The following NCOR2 variants were observed in gnomAD, a reference collection of about 807,000 sequenced individuals.
NCOR2 encodes the protein nuclear receptor corepressor 2.
NCOR2 carries 81 observed loss-of-function variants against 262.9 expected under a neutral mutation model. That is an observed-to-expected ratio of 0.31 (90% CI 0.26 to 0.37). NCOR2 has a LOEUF of 0.37. NCOR2 is among the 10% of genes least tolerant of loss of function. The pLI is 1.00. For missense variants in NCOR2, 3,385 were observed against 3,621.4 expected (o/e 0.93, Z 1.68); for synonymous variants, 1,659 against 1,559.3 (o/e 1.06, Z -1.51).
chr12:124,436,318 T>G (rs1271583377), intron 8 of NCOR2, among the ~76,000 whole-genome samples: 3 of 152,174 alleles, frequency 2.0e-5, no homozygotes, highest in Non-Finnish European at 4.4e-5. Flanking sequence ...GGGAGCTGCC[T>G]CGCAGGCCCT....
chr12:124,544,240 T>C (rs1024511310), intron 1 of NCOR2, among the ~76,000 whole-genome samples: 15 of 152,214 alleles, frequency 9.9e-5, no homozygotes, highest in African/African-American at 2.9e-4. Flanking sequence ...CCTCACAGTA[T>C]GCTGTAGATG....
rs118153178 is a variant in NCOR2, at chr12:124,484,678, G to C, written c.234-905C>G. Among the ~76,000 whole-genome samples, 229 of 152,284 alleles carry C rather than the reference G, an allele frequency of 1.5e-3. 8 individuals are homozygous for C. The East Asian group carries it at 0.041, about 27-fold the overall frequency. ...CTGAGACCTCAGGCCCTCCATGTGA[G>C]CTCCTCCCCTTCCTGTCATGGTGCA... On this transcript the variant is annotated intron_variant, in intron 2 of 46. Coordinates refer to ENST00000405201, the Ensembl canonical transcript of NCOR2.
intron 20 of NCOR2, among the ~76,000 whole-genome samples, chr12:124,364,632 G>C (rs183258357): frequency 2.1e-4 from 32 of 152,306 alleles, no homozygotes; most frequent in African/African-American, 7.7e-4. Flanking sequence ...GGTGGGTGCC[G>C]TTTCCTTCAG....
chr12:124,406,480 T>G (rs2042282712), intron 13 of NCOR2, among the ~76,000 whole-genome samples: 1 of 152,030 alleles, frequency 6.6e-6, no homozygotes, highest in Non-Finnish European at 1.5e-5. Flanking sequence ...ACAAGGCACA[T>G]AAAGGACTCT....
rs1378873505 is a variant in NCOR2, at chr12:124,325,462, C to T, written c.7485G>A (p.Trp2495Ter). 1 of 1,359,052 alleles carries T rather than the reference C, an allele frequency of 7.4e-7. No individual in the cohort carries two copies. Among genetic ancestry groups the T allele is most frequent in the South Asian group, 1.8e-5 (1 of 55,658 alleles). 84.2% of individuals were successfully genotyped at this position (1,359,052 alleles called of 1,614,324 possible). ...AGAGCAGTGGCTTGGGCTCCTCGTC[C>T]CAGGCGTGGTGGGGGCCAGCGAGGG... is the stretch of plus-strand genomic sequence containing the variant. The change falls in exon 47 of 47, where the codon TGG becomes TGA. Residue 2495 changes from tryptophan to a stop codon, truncating the protein, a stop_gained. Transcript: ENST00000405201. LOFTEE classifies it high-confidence loss of function.
At chr12:124,519,780 G>C (rs1212515095) in intron 1 of NCOR2, among the ~76,000 whole-genome samples, 1 of 152,156 alleles carries the variant, frequency 6.6e-6, no homozygotes, top group African/African-American at 2.4e-5. Flanking sequence ...GTGCTAAGCG[G>C]GTCCCCTGGT....
chr12:124,552,679 G>C (rs1594062444), intron 1 of NCOR2, among the ~76,000 whole-genome samples: 1 of 152,092 alleles, frequency 6.6e-6, no homozygotes, highest in Non-Finnish European at 1.5e-5. Flanking sequence ...AGTTTTTTCG[G>C]GGGGGTTAGG....
intron 5 of NCOR2, among the ~76,000 whole-genome samples, chr12:124,458,281 G>A (rs903998632): frequency 2.0e-5 from 3 of 152,212 alleles, no homozygotes; most frequent in African/African-American, 4.8e-5. Context: ...AGATCTCCTC[G>A]CAGGGCGGAG....
chr12:124,362,204 C>A lies in NCOR2; in HGVS notation c.3022G>T (p.Glu1008Ter). 7.6e-7 allele frequency: 1 copy of A among 1,311,020 alleles called. No individual in the cohort carries two copies. The highest frequency in any genetic ancestry group is 9.7e-7 in the Non-Finnish European group (1 of 1,029,542). The allele number at this position is 1,311,020 out of a possible 1,614,324, so 81.2% of individuals were successfully genotyped here. Residue 1008 changes from glutamate to a stop codon, truncating the protein, a stop_gained, in exon 22 of 47, where the codon GAG (glutamate) becomes TAG (stop). Transcript: ENST00000405201. LOFTEE classifies it high-confidence loss of function. The stretch of plus-strand genomic sequence containing the variant: ...CCAGGCTGCTGAGGGGCGTCGCTCT[C>A]CGGCTGCAGGTTTTGCGGTGGCGGT...
chr12:124,462,341 C>A (rs2136604293), intron 5 of NCOR2, among the ~76,000 whole-genome samples: 1 of 152,284 alleles, frequency 6.6e-6, no homozygotes, highest in African/African-American at 2.4e-5. Flanking sequence ...CACCTACTCA[C>A]CCAAGAAGCC....
upstream of NCOR2, among the ~76,000 whole-genome samples, chr12:124,496,306 T>A (rs1209014073): frequency 6.8e-6 from 1 of 147,412 alleles, no homozygotes; most frequent in Non-Finnish European, 1.5e-5. The surrounding 1 kb of genome is among the most constrained non-coding windows in gnomAD (Gnocchi z 4.4). Context: ...TACAACAGGG[T>A]CCCATCCCAG....
exon 47 of NCOR2, chr12:124,325,400 A>G: frequency 1.0e-5 from 2 of 194,670 alleles, no homozygotes; most frequent in Non-Finnish European, 1.9e-5. Context: ...CCCTGTTCTG[A>G]GTCACTCGCT....
chr12:124,493,024 G>A (rs1426288758), intron 1 of NCOR2, among the ~76,000 whole-genome samples: 1 of 152,234 alleles, frequency 6.6e-6, no homozygotes, highest in Non-Finnish European at 1.5e-5. Flanking sequence ...TGGCCGCCAG[G>A]CTGGGCCCCA....
intron 20 of NCOR2, among the ~76,000 whole-genome samples, chr12:124,369,469 G>T (rs1378995994): frequency 1.3e-5 from 2 of 152,002 alleles, no homozygotes; most frequent in Non-Finnish European, 2.9e-5. Flanking sequence ...GGTCGCCTGG[G>T]GGGCCCGCCC....
At chr12:124,438,081 C>T (rs1308960028) in intron 7 of NCOR2, 85 bp from the exon 10 acceptor site, 6 of 1,353,952 alleles carry the variant, frequency 4.4e-6, no homozygotes, top group Non-Finnish European at 6.2e-6. Flanking sequence ...TGAGAGTGAG[C>T]CCCAAATTTG....
intron 1 of NCOR2, among the ~76,000 whole-genome samples, chr12:124,512,098 G>C (rs1420257466): frequency 6.6e-6 from 1 of 152,168 alleles, no homozygotes; most frequent in Non-Finnish European, 1.5e-5. Flanking sequence ...TTTTTGTAGA[G>C]ACAGGGTCTC....
At position 124,433,845 on chromosome 12, in the gene NCOR2, TACACACAC is replaced by T. The variant is rs1204258133; in HGVS notation, c.883-3066_883-3059del. 2.6e-3 allele frequency among the ~76,000 whole-genome samples: 47 copies of T among 18,282 alleles called. 1 individual carries two copies. The highest frequency in any genetic ancestry group is 2.9e-3 in the African/African-American group (31 of 10,840). 12.0% of individuals were successfully genotyped at this position (18,282 alleles called of 152,430 possible). A position where few individuals can be genotyped will look rare whatever the true frequency, so the allele number is the denominator to read the frequency against. ...CTTCCCTCCCTCCCTCTCTCTGTCT[TACACACAC>T]ACACACACACACACACACACACACA... On this transcript the variant is annotated intron_variant, in intron 8 of 46. Coordinates refer to ENST00000405201, the Ensembl canonical transcript of NCOR2.
At chr12:124,376,601 C>CA (rs1251355536) in intron 18 of NCOR2, among the ~76,000 whole-genome samples, 5 of 152,180 alleles carry the variant, frequency 3.3e-5, no homozygotes, top group African/African-American at 1.2e-4. Flanking sequence ...AGGCCAGACT[C>CA]AGTGTCCCTG....
chr12:124,558,774 C>T (rs1013993252), intron 1 of NCOR2, among the ~76,000 whole-genome samples: 1 of 152,164 alleles, frequency 6.6e-6, no homozygotes, highest in Non-Finnish European at 1.5e-5. Context: ...GGCTACGACA[C>T]GGTCTGCAGG....
Sources: allele counts gnomAD v4.1 joint callset (sites outside exome capture counted in the v4.1 genomes callset), GRCh38; gene constraint gnomAD v4.1.1; non-coding constraint Gnocchi (gnomAD v3.1); transcripts MANE v1.5; gene names NCBI Gene and HGNC (gene_info 2026-07-23, HGNC 2026-07-21).